The following TBC1D16 variants were observed in gnomAD, a reference collection of about 807,000 sequenced individuals.
The protein encoded by TBC1D16 is TBC1 domain family member 16.
A neutral mutation model predicts 74.7 loss-of-function variants in TBC1D16; 58 were observed. The ratio of observed to expected loss-of-function variants is 0.78; its 90% CI spans 0.63 to 0.97. The LOEUF (loss-of-function observed/expected upper bound fraction) is 0.97. TBC1D16 is among the 50% of genes least tolerant of loss of function. The pLI is 0.00. For missense variants in TBC1D16, 1,014 were observed against 1,079.5 expected (o/e 0.94, Z 0.85); for synonymous variants, 493 against 474.7 (o/e 1.04, Z -0.50).
chr17:80,004,785 G>C (rs977242481), intron 3 of TBC1D16, among the ~76,000 whole-genome samples: 1 of 151,872 alleles, frequency 6.6e-6, no homozygotes, highest in Non-Finnish European at 1.5e-5. Context: ...AGCGATTCTC[G>C]TGCCTGAGCT....
chr17:80,000,689 C>A lies in TBC1D16; in HGVS notation c.779+9471G>T, dbSNP rs1207345978. 2.0e-5 allele frequency among the ~76,000 whole-genome samples: 3 copies of A among 152,226 alleles called. No individual in the cohort carries two copies. The highest frequency in any genetic ancestry group is 7.2e-5 in the African/African-American group (3 of 41,448). ...CACAGTGATGATGACTGTCTATCTG[C>A]CCTGTACTGAGCCCTCTGTGCAGAG... On this transcript the variant is annotated intron_variant, in intron 3 of 11. Coordinates refer to ENST00000310924, the MANE Select transcript of TBC1D16 (RefSeq NM_019020.4). The surrounding 1 kb of genome is among the most constrained non-coding windows in gnomAD (Gnocchi z 4.1).
rs140659251 is a variant in TBC1D16, at chr17:79,939,539, C to G, written c.*1320G>C. 1.3e-4 allele frequency: 20 copies of G among 152,290 alleles called. 1 individual carries two copies. The highest frequency in any genetic ancestry group is 4.6e-4 in the African/African-American group (19 of 41,552). 9.4% of individuals were successfully genotyped at this position (152,290 alleles called of 1,614,324 possible). On this transcript the variant is annotated 3_prime_UTR_variant, in exon 12 of 12. Coordinates refer to ENST00000310924, the MANE Select transcript of TBC1D16 (RefSeq NM_019020.4). ...TCAAGGGTTTTTCTCCCCAGAAGGA[C>G]GCGATGGAGGATTTCAGGAGGGATT...
chr17:80,028,627 A>AT (rs139546060), intron 1 of TBC1D16, among the ~76,000 whole-genome samples: 46,145 of 142,138 alleles, frequency 0.32, 8,279 homozygotes, highest in African/African-American at 0.51. Flanking sequence ...TGACCAGTTG[A>AT]TTTTTTTTTT....
Position 80,010,376 on chromosome 17 carries a change from G to A in TBC1D16, c.563C>T (p.Ser188Leu), listed in dbSNP as rs147221289. 2.1e-3 allele frequency: 3,379 copies of A among 1,611,972 alleles called. 9 individuals are homozygous for A. The highest frequency in any genetic ancestry group is 2.6e-3 in the Non-Finnish European group (3,119 of 1,179,194). Residue 188 changes from serine to leucine, a missense_variant, in exon 3 of 12, where the codon TCG (serine) becomes TTG (leucine). Coordinates refer to ENST00000310924, the MANE Select transcript of TBC1D16 (RefSeq NM_019020.4). The surrounding 1 kb of genome is among the most constrained non-coding windows in gnomAD (Gnocchi z 8.8). ...QPACSPSGILSTVSPQDVTEE... is the reference protein window; with the variant it reads ...QPACSPSGILLTVSPQDVTEE... ...GGTGACATCCTGCGGACTGACCGTC[G>A]ACAAGATCCCGGAGGGGCTGCAAGC...
At chr17:80,011,076 CTG>C (rs1247816491) in intron 2 of TBC1D16, among the ~76,000 whole-genome samples, 1 of 152,088 alleles carries the variant, frequency 6.6e-6, no homozygotes, top group East Asian at 1.9e-4. Context: ...GGGTCTCGCT[CTG>C]TGTCTCAAGC....
Position 79,950,260 on chromosome 17 carries a change from C to G in TBC1D16, c.1257+151G>C, listed in dbSNP as rs2032937454. ...TTTGATTGCTTTATCGGTGTGTTCA[C>G]AGAGAGCCTCACACAAGAAAACGGG... is the stretch of plus-strand genomic sequence containing the variant. On this transcript the variant is annotated intron_variant, in intron 6 of 11. Transcript: ENST00000310924. This position sits in a 1 kb window ranked among gnomAD's most constrained non-coding sequence, Gnocchi z 4.6. 2 of 824,964 alleles carry G rather than the reference C, an allele frequency of 2.4e-6. No homozygotes were observed. The highest frequency in any genetic ancestry group is 3.0e-5 in the Admixed American group (1 of 32,888). 51.1% of individuals were successfully genotyped at this position (824,964 alleles called of 1,614,324 possible).
chr17:80,027,229 G>A (rs988283550), intron 1 of TBC1D16, among the ~76,000 whole-genome samples: 24 of 152,342 alleles, frequency 1.6e-4, no homozygotes, highest in African/African-American at 5.3e-4. Context: ...TCGGGAGTCC[G>A]AGGTGGGCGG....
At chr17:80,031,166 G>A (rs930704112) in intron 1 of TBC1D16, among the ~76,000 whole-genome samples, 11 of 152,226 alleles carry the variant, frequency 7.2e-5, no homozygotes, top group Non-Finnish European at 2.9e-5. Flanking sequence ...TCAGGACCCA[G>A]TCCCCGGGCA....
At chr17:79,966,140 G>T (rs1471803537) in intron 3 of TBC1D16, among the ~76,000 whole-genome samples, 1 of 152,160 alleles carries the variant, frequency 6.6e-6, no homozygotes, top group Non-Finnish European at 1.5e-5. Flanking sequence ...GCCTTCCGTG[G>T]CTTGCAGCTG....
intron 10 of TBC1D16, among the ~76,000 whole-genome samples, chr17:79,943,121 C>T (rs773484830): frequency 6.6e-6 from 1 of 152,350 alleles, no homozygotes; most frequent in East Asian, 1.9e-4. Context: ...CTGAGCGGAG[C>T]ACACCATGAG....
chr17:79,984,647 A>AGGAAGGAAGGAT (rs2034752660), intron 3 of TBC1D16, among the ~76,000 whole-genome samples: 1 of 149,470 alleles, frequency 6.7e-6, no homozygotes, highest in South Asian at 2.2e-4. Flanking sequence ...GAAGGAAGGA[A>AGGAAGGAAGGAT]GGAAGGAAGG....
At chr17:79,959,232 CTGAGA>C (rs1376972286) in intron 3 of TBC1D16, among the ~76,000 whole-genome samples, 4 of 152,254 alleles carry the variant, frequency 2.6e-5, no homozygotes, top group African/African-American at 7.2e-5. Flanking sequence ...ACAAAAATTG[CTGAGA>C]TAAGTCAAAT....
rs796663646 is a variant in TBC1D16, at chr17:79,981,092, A to C, written c.780-28274T>G. ...TCCATCCACACACTTGTCACAGCAA[A>C]GCTGAATTCTGTATCTAGCCCCTCG... On this transcript the variant is annotated intron_variant, in intron 3 of 11. Transcript: ENST00000310924. The surrounding 1 kb of genome is among the most constrained non-coding windows in gnomAD (Gnocchi z 6.9). Among the ~76,000 whole-genome samples the C allele has an allele frequency of 1.3e-5, 2 of 152,250 alleles. No homozygotes were observed. The highest frequency in any genetic ancestry group is 4.1e-4 in the South Asian group (2 of 4,834).
Position 79,950,057 on chromosome 17 carries a change from G to A in TBC1D16, c.1258-192C>T, listed in dbSNP as rs1182235710. Among the ~76,000 whole-genome samples, 1 of 152,220 alleles carries A rather than the reference G, an allele frequency of 6.6e-6. No homozygotes were observed. Among genetic ancestry groups the A allele is most frequent in the Admixed American group, 6.5e-5 (1 of 15,286 alleles). ...GGACACAAACCCGGCTCATTTCAATGTCAATGCCCCCCCTGGGGTGGCGCT... is the reference window on the plus strand; with the variant it reads ...GGACACAAACCCGGCTCATTTCAATATCAATGCCCCCCCTGGGGTGGCGCT... On this transcript the variant is annotated intron_variant, in intron 6 of 11. Transcript: ENST00000310924. This position sits in a 1 kb window ranked among gnomAD's most constrained non-coding sequence, Gnocchi z 4.6.
intron 3 of TBC1D16, among the ~76,000 whole-genome samples, chr17:79,997,151 G>C (rs1568622067): frequency 6.6e-6 from 1 of 152,198 alleles, no homozygotes; most frequent in Non-Finnish European, 1.5e-5. Context: ...CGTCTAGCTA[G>C]TGGTAGTAGT....
Position 79,950,454 on chromosome 17 carries a change from A to T in TBC1D16, c.1214T>A (p.Leu405Gln), listed in dbSNP as rs773450979. The change falls in exon 6 of 12, where the codon CTG becomes CAG. Residue 405 changes from leucine to glutamine, a missense_variant. Physicochemically the swap from Leu to Gln is moderately radical, Grantham distance 113. Coordinates refer to ENST00000310924, the MANE Select transcript of TBC1D16 (RefSeq NM_019020.4). The surrounding 1 kb of genome is among the most constrained non-coding windows in gnomAD (Gnocchi z 4.6). Reference sequence around the variant, plus strand: ...CTCCTCCACCTGGCCCAGCTCATTCAGGTGGTTGAGCCAGGCGGAGACGCC... The same window carrying T: ...CTCCTCCACCTGGCCCAGCTCATTCTGGTGGTTGAGCCAGGCGGAGACGCC... ...RLGVSAWLNH[L>Q]NELGQVEEEY... 1.1e-5 allele frequency: 17 copies of T among 1,612,450 alleles called. No homozygotes were observed. The highest frequency in any genetic ancestry group is 1.6e-4 in the Middle Eastern group (1 of 6,072).
At position 79,981,708 on chromosome 17, in the gene TBC1D16, C is replaced by T. The variant is rs1195900893; in HGVS notation, c.779+28452G>A. 1.3e-5 allele frequency among the ~76,000 whole-genome samples: 2 copies of T among 152,226 alleles called. No individual in the cohort carries two copies. Among genetic ancestry groups the T allele is most frequent in the South Asian group, 2.1e-4 (1 of 4,830 alleles). On this transcript the variant is annotated intron_variant, in intron 3 of 11. Coordinates refer to ENST00000310924, the MANE Select transcript of TBC1D16 (RefSeq NM_019020.4). This position sits in a 1 kb window ranked among gnomAD's most constrained non-coding sequence, Gnocchi z 6.9. Reference sequence around the variant, plus strand: ...CCTCCCACACCGGAGGCAAGGGACGCGCCACCCTCGGAGCGGCTCCCTCGG... The same window carrying T: ...CCTCCCACACCGGAGGCAAGGGACGTGCCACCCTCGGAGCGGCTCCCTCGG...
chr17:79,948,744 G>C (rs960006351), intron 8 of TBC1D16, 128 bp downstream of exon 8: 1 of 1,253,454 alleles, frequency 8.0e-7, no homozygotes, highest in East Asian at 2.4e-5. Context: ...TCACTTCTGG[G>C]GCTTTGATGT....
At chr17:79,952,870 C>T (rs2033148914) in intron 3 of TBC1D16, 52 bp from the exon 4 acceptor site, 1 of 1,559,960 alleles carries the variant, frequency 6.4e-7, no homozygotes, top group African/African-American at 1.3e-5. Context: ...GCCCACACTA[C>T]CCAGAGGGGG....
Sources: gnomAD v4.1 joint callset for allele counts (sites outside exome capture counted in the v4.1 genomes callset) on GRCh38, gnomAD v4.1.1 for gene constraint, Gnocchi (gnomAD v3.1) non-coding constraint, MANE v1.5 for transcripts, NCBI Gene and HGNC (gene_info 2026-07-23, HGNC 2026-07-21) for gene names.